The following XRRA1 variants were observed in gnomAD, a reference collection of about 807,000 sequenced individuals.
XRRA1 encodes the protein X-ray radiation resistance-associated protein 1.
XRRA1 carries 69 observed loss-of-function variants against 80.2 expected under a neutral mutation model. The ratio of observed to expected loss-of-function variants is 0.86; its 90% CI spans 0.71 to 1.05. The LOEUF (loss-of-function observed/expected upper bound fraction) is 1.05. XRRA1 is among the 50% of genes least tolerant of loss of function. XRRA1 has a pLI of 0.00. For synonymous variants in XRRA1, 348 were observed against 389.9 expected (o/e 0.89, Z 1.27); for missense variants, 967 against 976.4 (o/e 0.99, Z 0.13).
chr11:74,944,881 G>A (rs1337728927), intron 2 of XRRA1, 137 bp downstream of exon 2: 1 of 152,540 alleles, frequency 6.6e-6, no homozygotes, highest in East Asian at 1.9e-4. Flanking sequence ...AAGAATGAAT[G>A]AGTAACTTGC....
chr11:74,847,170 G>C (rs1317491822), intron 15 of XRRA1, among the ~76,000 whole-genome samples: 1 of 152,126 alleles, frequency 6.6e-6, no homozygotes, highest in Non-Finnish European at 1.5e-5. Flanking sequence ...AAAAGGTTCT[G>C]AGATATTTCT....
chr11:74,944,644 T>C (rs1034013074), intron 2 of XRRA1, among the ~76,000 whole-genome samples: 5 of 152,224 alleles, frequency 3.3e-5, no homozygotes, highest in African/African-American at 1.2e-4. Context: ...ATGACTTTAT[T>C]ATAATTGTTT....
chr11:74,883,543 CTTAATA>C (rs1188136036), intron 10 of XRRA1, among the ~76,000 whole-genome samples: 2 of 151,048 alleles, frequency 1.3e-5, no homozygotes, highest in Non-Finnish European at 3.0e-5. Flanking sequence ...CAGCGGGATT[CTTAATA>C]TTCATATTCA....
At chr11:74,883,726 C>G (rs2048322401) in intron 10 of XRRA1, among the ~76,000 whole-genome samples, 1 of 152,070 alleles carries the variant, frequency 6.6e-6, no homozygotes, top group Non-Finnish European at 1.5e-5. Context: ...CATGATGCCC[C>G]TCTTCAGCAG....
At chr11:74,861,279 C>T (rs1038560433) in intron 11 of XRRA1, among the ~76,000 whole-genome samples, 1 of 152,340 alleles carries the variant, frequency 6.6e-6, no homozygotes, top group South Asian at 2.1e-4. Context: ...GGCCGCACAG[C>T]AGGAAGTGAG....
At chr11:74,906,196 C>T in intron 10 of XRRA1, 43 bp downstream of exon 10, 1 of 1,573,556 alleles carries the variant, frequency 6.4e-7, no homozygotes, top group South Asian at 1.1e-5. Flanking sequence ...AAGTGTATTT[C>T]CACCATGAGG....
chr11:74,890,434 C>T (rs2050335883), intron 10 of XRRA1, among the ~76,000 whole-genome samples: 1 of 152,174 alleles, frequency 6.6e-6, no homozygotes, highest in South Asian at 2.1e-4. Flanking sequence ...CACTAAATGC[C>T]CACAAGAGAA....
At chr11:74,877,453 C>CTT (rs551018786) in intron 10 of XRRA1, among the ~76,000 whole-genome samples, 1 of 151,410 alleles carries the variant, frequency 6.6e-6, no homozygotes, top group African/African-American at 2.4e-5. Context: ...TAATGGGATT[C>CTT]TTTTTTTTTA....
At chr11:74,890,629 A>G (rs2050401080) in intron 10 of XRRA1, among the ~76,000 whole-genome samples, 2 of 152,232 alleles carry the variant, frequency 1.3e-5, no homozygotes, top group Non-Finnish European at 2.9e-5. Context: ...TGTTTTGAAA[A>G]GATCAACAAA....
intron 4 of XRRA1, 54 bp from the exon 5 acceptor site, chr11:74,933,926 T>C: frequency 6.7e-7 from 1 of 1,494,020 alleles, no homozygotes; most frequent in Non-Finnish European, 9.2e-7. Flanking sequence ...GTTTAATTAA[T>C]CTATTACCAC....
rs1313290207 is a variant in XRRA1, at chr11:74,844,248, G to C, written c.1963C>G (p.Leu655Val). 1.9e-6 allele frequency: 3 copies of C among 1,613,490 alleles called. No individual in the cohort carries two copies. The African/African-American group carries it at 4.0e-5, about 22-fold the overall frequency. The change falls in exon 17 of 19, where the codon CTG becomes GTG. Residue 655 changes from leucine (L) to valine (V), a missense_variant. Coordinates refer to ENST00000684022, the MANE Select transcript of XRRA1 (RefSeq NM_001378157.1). ...QKNAQALQQM[L>V]KHPLLCHSSK... ...GAGTGGCACAGGAGTGGGTGCTTCAGCATTTGTTGCAGGGCTTGTGCATTC... is the reference window on the plus strand; with the variant it reads ...GAGTGGCACAGGAGTGGGTGCTTCACCATTTGTTGCAGGGCTTGTGCATTC...
chr11:74,931,026 C>T (rs922124828), intron 5 of XRRA1, among the ~76,000 whole-genome samples: 4 of 152,062 alleles, frequency 2.6e-5, no homozygotes, highest in Admixed American at 6.5e-5. Context: ...AGGCTGGTCT[C>T]GAACTGCTGC....
At chr11:74,921,381 G>A (rs1940739157) in intron 7 of XRRA1, 34 bp from the exon 8 acceptor site, 3 of 1,612,438 alleles carry the variant, frequency 1.9e-6, no homozygotes, top group African/African-American at 2.7e-5. Flanking sequence ...GGGAAGGTAA[G>A]CACTCTGTGT....
intron 10 of XRRA1, among the ~76,000 whole-genome samples, chr11:74,892,812 T>C (rs1436130288): frequency 3.3e-5 from 5 of 151,746 alleles, no homozygotes; most frequent in African/African-American, 4.8e-5. Context: ...AAAATGCTCA[T>C]CATCACTGGC....
At chr11:74,849,946 G>A (rs2039344573) in intron 14 of XRRA1, among the ~76,000 whole-genome samples, 1 of 152,146 alleles carries the variant, frequency 6.6e-6, no homozygotes, top group African/African-American at 2.4e-5. Flanking sequence ...CCCCATCTCT[G>A]TATGCACAAT....
At chr11:74,869,618 A>G (rs2044297148) in intron 10 of XRRA1, among the ~76,000 whole-genome samples, 1 of 152,206 alleles carries the variant, frequency 6.6e-6, no homozygotes, top group Non-Finnish European at 1.5e-5. Flanking sequence ...GGCCAGGCAG[A>G]GGACCTGCCT....
intron 10 of XRRA1, among the ~76,000 whole-genome samples, chr11:74,890,684 G>T (rs1237585284): frequency 1.3e-5 from 2 of 151,976 alleles, no homozygotes; most frequent in African/African-American, 4.8e-5. Flanking sequence ...AAAGAGAGAA[G>T]AATCAAATAG....
chr11:74,886,783 A>C (rs1478668599), intron 10 of XRRA1, among the ~76,000 whole-genome samples: 2 of 152,216 alleles, frequency 1.3e-5, no homozygotes, highest in Admixed American at 1.3e-4. Context: ...AAAAGAACAG[A>C]GCTGGAGGCA....
At chr11:74,924,632 G>A (rs563823391) in intron 7 of XRRA1, among the ~76,000 whole-genome samples, 3 of 152,154 alleles carry the variant, frequency 2.0e-5, no homozygotes, top group South Asian at 2.1e-4. Flanking sequence ...CCAGGAGTTC[G>A]AGACTAGCCT....
Sources: gnomAD v4.1 joint callset for allele counts (sites outside exome capture counted in the v4.1 genomes callset) on GRCh38, gnomAD v4.1.1 for gene constraint, MANE v1.5 for transcripts, NCBI Gene and HGNC (gene_info 2026-07-23, HGNC 2026-07-21) for gene names.